BTBD8: variants seen among roughly 807,000 people sequenced by gnomAD.
BTBD8 encodes the protein BTB/POZ domain-containing protein 8.
BTBD8 carries 110 observed loss-of-function variants against 162.9 expected under a neutral mutation model. That is an observed-to-expected ratio of 0.68 (90% CI 0.58 to 0.79). The LOEUF is 0.79. BTBD8 is among the 30% of genes least tolerant of loss of function. The pLI, the probability that BTBD8 is intolerant of heterozygous loss-of-function variation, is 0.00. For missense variants in BTBD8, 1,905 were observed against 2,085.4 expected (o/e 0.91, Z 1.68); for synonymous variants, 667 against 716.1 (o/e 0.93, Z 1.10).
intron 1 of BTBD8, among the ~76,000 whole-genome samples, chr1:92,084,542 G>A (rs72956805): frequency 0.024 from 3,580 of 152,268 alleles, 150 homozygotes; most frequent in African/African-American, 0.082. Context: ...AAAGGAAGGG[G>A]GTTAAGTGAA....
chr1:92,119,140 T>A (rs769984591), intron 4 of BTBD8, among the ~76,000 whole-genome samples: 7 of 151,874 alleles, frequency 4.6e-5, no homozygotes, highest in Admixed American at 1.3e-4. Flanking sequence ...AAATTTATTT[T>A]AAAAAACTAT....
rs72956828 is a variant in BTBD8, at chr1:92,105,407, A to G, written c.545-2477A>G. ...AGCTGGGCCCAGAGGGCTGACCACC[A>G]CACCTGGCTAATATTTTGTATTCTT... is the stretch of plus-strand genomic sequence containing the variant. On this transcript the variant is annotated intron_variant, in intron 3 of 17. Coordinates refer to ENST00000636805, the MANE Select transcript of BTBD8 (RefSeq NM_001376131.1). Among the ~76,000 whole-genome samples the G allele has an allele frequency of 2.8e-3, 426 of 151,792 alleles. 1 individual carries two copies. The highest frequency in any genetic ancestry group is 9.3e-3 in the African/African-American group (384 of 41,364).
At position 92,149,628 on chromosome 1, in the gene BTBD8, TG is replaced by T; in HGVS notation, c.1122+1845del. Reference sequence around the variant, plus strand: ...ACAATTTTGTGTGAAATTTGGAGGATGGGAGTGAAACAGCAGCTATTTTTGG... The same window carrying T: ...ACAATTTTGTGTGAAATTTGGAGGATGGAGTGAAACAGCAGCTATTTTTGG... On this transcript the variant is annotated intron_variant, in intron 9 of 17. Transcript: ENST00000636805. Among the ~76,000 whole-genome samples, 2 of 152,314 alleles carry T rather than the reference TG, an allele frequency of 1.3e-5. 1 individual carries two copies. The highest frequency in any genetic ancestry group is 2.9e-5 in the Non-Finnish European group (2 of 68,014).
chr1:92,085,361 G>A (rs186665521), intron 1 of BTBD8, among the ~76,000 whole-genome samples: 2 of 152,324 alleles, frequency 1.3e-5, no homozygotes, highest in Non-Finnish European at 1.5e-5. Context: ...GGAGGCCAAG[G>A]CGAGCAGATC....
intron 5 of BTBD8, among the ~76,000 whole-genome samples, chr1:92,131,958 C>T (rs746263186): frequency 1.3e-5 from 2 of 152,154 alleles, no homozygotes; most frequent in Non-Finnish European, 2.9e-5. Context: ...GATCCTCCCA[C>T]CTTGGCCTCC....
In BTBD8 at chr1:92,139,618, T is replaced by C. The variant is rs945084615; in HGVS notation, c.833+188T>C. Reference sequence around the variant, plus strand: ...CTTATTTAGAAGAAAAGGTGACTTATCAACTCACAGTAATAAGATTGAGAA... The same window carrying C: ...CTTATTTAGAAGAAAAGGTGACTTACCAACTCACAGTAATAAGATTGAGAA... On this transcript the variant is annotated intron_variant, in intron 6 of 17. Transcript: ENST00000636805. 20 of 1,175,924 alleles carry C rather than the reference T, an allele frequency of 1.7e-5. No homozygotes were observed. In the Admixed American group the frequency reaches 4.4e-4, roughly 26 times the overall value. 72.8% of individuals were successfully genotyped at this position (1,175,924 alleles called of 1,614,324 possible). A position where few individuals can be genotyped will look rare whatever the true frequency, so the allele number is the denominator to read the frequency against.
chr1:92,169,099 C>A, intron 12 of BTBD8, 104 bp downstream of exon 12: 1 of 1,129,780 alleles, frequency 8.9e-7, no homozygotes, highest in Non-Finnish European at 1.2e-6. Context: ...TTGTGTGCTT[C>A]TGTTGGATAA....
Position 92,184,371 on chromosome 1 carries a change from T to A in BTBD8, c.*41T>A, listed in dbSNP as rs1277238607. On this transcript the variant is annotated 3_prime_UTR_variant, in exon 18 of 18. Coordinates refer to ENST00000636805, the MANE Select transcript of BTBD8 (RefSeq NM_001376131.1). ...AAAAATTTATGCCACTCCTTTATTTTTTGATGCCTATATTATATCCAAATG... is the reference window on the plus strand; with the variant it reads ...AAAAATTTATGCCACTCCTTTATTTATTGATGCCTATATTATATCCAAATG... 4 of 1,230,524 alleles carry A rather than the reference T, an allele frequency of 3.3e-6. No individual in the cohort carries two copies. The African/African-American group carries it at 4.6e-5, about 14-fold the overall frequency. 76.2% of individuals were successfully genotyped at this position (1,230,524 alleles called of 1,614,324 possible).
chr1:92,165,755 G>C (rs1361320178), intron 9 of BTBD8, among the ~76,000 whole-genome samples: 3 of 152,134 alleles, frequency 2.0e-5, no homozygotes, highest in Non-Finnish European at 4.4e-5. Flanking sequence ...TCTTTGGTCT[G>C]GTGGTCCCAG....
chr1:92,103,309 T>C (rs1648647571), intron 3 of BTBD8, among the ~76,000 whole-genome samples: 4 of 152,218 alleles, frequency 2.6e-5, no homozygotes, highest in Admixed American at 2.6e-4. Flanking sequence ...TTTATCCTGG[T>C]TAGATTCCTG....
At chr1:92,129,156 TAAAG>T (rs898929225) in intron 4 of BTBD8, among the ~76,000 whole-genome samples, 1 of 151,952 alleles carries the variant, frequency 6.6e-6, no homozygotes, top group Admixed American at 6.6e-5. Context: ...CTTAAAAAAT[TAAAG>T]AACCTTCAAA....
In BTBD8 at chr1:92,177,527, T is replaced by G; in HGVS notation, c.2334T>G (p.Ser778Arg). Residue 778 changes from serine to arginine, a missense_variant, in exon 14 of 18, where the codon AGT (serine) becomes AGG (arginine). By Grantham distance (110) the Ser-to-Arg change is moderately radical (BLOSUM62 -1). Transcript: ENST00000636805. ...PGQMMKNSVD[S>R]VKNSTVAIKS... Reference sequence around the variant, plus strand: ...AGATGATGAAAAACAGTGTAGATAGTGTCAAAAATTCCACTGTAGGTGGGT... The same window carrying G: ...AGATGATGAAAAACAGTGTAGATAGGGTCAAAAATTCCACTGTAGGTGGGT... 6.5e-7 allele frequency: 1 copy of G among 1,536,056 alleles called. No individual in the cohort carries two copies. The highest frequency in any genetic ancestry group is 8.8e-7 in the Non-Finnish European group (1 of 1,140,494).
chr1:92,088,561 C>A, intron 1 of BTBD8, 137 bp from the exon 2 acceptor site: 2 of 660,284 alleles, frequency 3.0e-6, no homozygotes, highest in Non-Finnish European at 4.5e-6. Flanking sequence ...GAACTGAGAA[C>A]AAACTCATTT....
Position 92,177,480 on chromosome 1 carries a change from T to C in BTBD8, c.2287T>C (p.Ser763Pro), listed in dbSNP as rs1392580679. ...EEEKPSGHKL[S>P]FCDSPGQMMK... ...AGAAAAGCCTTCTGGACATAAACTA[T>C]CCTTTTGTGATTCTCCAGGACAGAT... Residue 763 changes from serine to proline, a missense_variant, in exon 14 of 18, where the codon TCC becomes CCC. This residue lies in a region of BTBD8 where 1,374 missense variants were observed against 1,442.7 expected (regional missense o/e 0.95). Transcript: ENST00000636805. 6.4e-7 allele frequency: 1 copy of C among 1,551,412 alleles called. No individual in the cohort carries two copies. The highest frequency in any genetic ancestry group is 1.2e-5 in the South Asian group (1 of 84,052).
At position 92,181,440 on chromosome 1, in the gene BTBD8, G is replaced by A; in HGVS notation, c.3757G>A (p.Gly1253Ser). 3.2e-6 allele frequency: 5 copies of A among 1,551,650 alleles called. No homozygotes were observed. The highest frequency in any genetic ancestry group is 4.4e-6 in the Non-Finnish European group (5 of 1,146,968). The change falls in exon 17 of 18, where the codon GGC (glycine) becomes AGC (serine). Residue 1253 changes from glycine (G) to serine (S), a missense_variant. Physicochemically the swap from Gly to Ser is moderately conservative, Grantham distance 56. This residue lies in a region of BTBD8 where 14 missense variants were observed against 36.1 expected (regional missense o/e 0.39). Transcript: ENST00000636805. ...GCGAGAGAGTCCTGAATCTGACACT[G>A]GCAGTGCTACCACCTCCTCCGATGA... ...HQRESPESDT[G>S]SATTSSDDIK...
chr1:92,080,810 C>G (rs1030509214), intron 1 of BTBD8, 90 bp downstream of exon 1: 12 of 1,520,368 alleles, frequency 7.9e-6, no homozygotes, highest in South Asian at 2.5e-5. Context: ...CTGCCTCCCC[C>G]TCCCTCAGCA....
intron 9 of BTBD8, among the ~76,000 whole-genome samples, chr1:92,158,050 A>G (rs1401143928): frequency 6.6e-6 from 1 of 152,164 alleles, no homozygotes; most frequent in African/African-American, 2.4e-5. Flanking sequence ...GATATGGTAT[A>G]GCCACTCTTA....
Position 92,180,416 on chromosome 1 carries a change from G to C in BTBD8, c.2733G>C (p.Lys911Asn), listed in dbSNP as rs1650848608. ...AGCAAGTACACACAGCTTTGCCTAA[G>C]GTTAATGCAAAAATAGTGGCAATGC... is the stretch of plus-strand genomic sequence containing the variant. The part of the protein sequence containing the change: ...MVKQVHTALP[K>N]VNAKIVAMPK... The change falls in exon 17 of 18, where the codon AAG becomes AAC. Residue 911 changes from lysine (K) to asparagine (N), a missense_variant. Transcript: ENST00000636805. 1.9e-6 allele frequency: 3 copies of C among 1,551,476 alleles called. No homozygotes were observed. Among genetic ancestry groups the C allele is most frequent in the Non-Finnish European group, 2.6e-6 (3 of 1,146,920 alleles).
At chr1:92,173,819 T>A (rs1650627516) in intron 13 of BTBD8, among the ~76,000 whole-genome samples, 1 of 152,226 alleles carries the variant, frequency 6.6e-6, no homozygotes. Context: ...TGTGCAATTA[T>A]CTGGTATGTA....
Sources: gnomAD v4.1 joint callset for allele counts (sites outside exome capture counted in the v4.1 genomes callset) on GRCh38, gnomAD v4.1.1 for gene constraint, gnomAD v4.1.1 regional missense constraint, MANE v1.5 for transcripts, NCBI Gene and HGNC (gene_info 2026-07-23, HGNC 2026-07-21) for gene names.